DNAI3: variants seen among roughly 807,000 people sequenced by gnomAD.
The protein encoded by DNAI3 is dynein axonemal intermediate chain 3.
In DNAI3, 83 loss-of-function variants were observed where a neutral mutation model predicts 115.5. The ratio of observed to expected loss-of-function variants is 0.72; its 90% CI spans 0.60 to 0.86. The LOEUF (loss-of-function observed/expected upper bound fraction) is 0.86, where lower values mean the gene tolerates loss of function less well. DNAI3 is among the 40% of genes least tolerant of loss of function. The pLI is 0.00. For synonymous variants in DNAI3, 320 were observed against 347.0 expected, an observed-to-expected ratio of 0.92 and a Z score of 0.86; for missense variants, 1,004 against 1,075.8, an observed-to-expected ratio of 0.93 and a Z score of 0.93.
intron 11 of DNAI3, among the ~76,000 whole-genome samples, chr1:85,097,061 A>T (rs1258419622): frequency 3.3e-5 from 5 of 152,148 alleles, no homozygotes. Flanking sequence ...ATTTAGTGTT[A>T]TATATCTACC....
In DNAI3 at chr1:85,082,370, T is replaced by G. The variant is rs1654658129; in HGVS notation, c.356T>G (p.Ile119Ser). ...AAATATGGACTTAACTTTTATCTTA[T>G]TGCAACTGAAGAGGGCAAAGAAAAC... The part of the protein sequence containing the change: ...DFKYGLNFYL[I>S]ATEEGKENYL... Residue 119 changes from isoleucine (I) to serine (S), a missense_variant, in exon 5 of 23, where the codon ATT (isoleucine) becomes AGT (serine). Ile to Ser is a moderately radical substitution (Grantham distance 142). Coordinates refer to ENST00000294664, the MANE Select transcript of DNAI3 (RefSeq NM_145172.5). The G allele has an allele frequency of 6.2e-7, 1 of 1,613,922 alleles. No homozygotes were observed. Among genetic ancestry groups the G allele is most frequent in the East Asian group, 2.2e-5 (1 of 44,878 alleles).
At chr1:85,119,784 A>G (rs983826193) in intron 17 of DNAI3, among the ~76,000 whole-genome samples, 2 of 149,164 alleles carry the variant, frequency 1.3e-5, no homozygotes, top group African/African-American at 5.0e-5. Context: ...TGCAACCTCC[A>G]CCTCCCAGGT....
intron 14 of DNAI3, among the ~76,000 whole-genome samples, chr1:85,105,021 TGAA>T (rs1655442875): frequency 6.6e-6 from 1 of 152,236 alleles, no homozygotes; most frequent in African/African-American, 2.4e-5. Flanking sequence ...GTAGCTACTT[TGAA>T]GAAGATTTAC....
chr1:85,084,254 A>G (rs1381182788), intron 5 of DNAI3, among the ~76,000 whole-genome samples: 25 of 25,186 alleles, frequency 9.9e-4, no homozygotes, highest in African/African-American at 2.3e-3. Context: ...CAGTGTGTAT[A>G]TATATATATA....
intron 3 of DNAI3, among the ~76,000 whole-genome samples, chr1:85,078,580 T>C (rs764684003): frequency 2.2e-4 from 33 of 152,330 alleles, no homozygotes; most frequent in Admixed American, 5.9e-4. Context: ...AGTGGCCTCA[T>C]TGCTGTAGCC....
Position 85,071,999 on chromosome 1 carries a change from T to G in DNAI3, c.58T>G (p.Leu20Val). ...TGGCAAAAAAAGACTAAAACCAGTA[T>G]TAGCTGGTAGGAATATTTCTTCATT... ...SRGKKRLKPVLAASEDMEPVN... is the reference protein window; with the variant it reads ...SRGKKRLKPVVAASEDMEPVN... The change falls in exon 2 of 23, where the codon TTA becomes GTA. Residue 20 changes from leucine (L) to valine (V), a missense_variant. By Grantham distance (32) the Leu-to-Val change is conservative. Transcript: ENST00000294664. The G allele has an allele frequency of 1.9e-6, 3 of 1,611,026 alleles. No individual in the cohort carries two copies. In the South Asian group the frequency reaches 3.3e-5, roughly 18 times the overall value.
rs150918821 is a variant in DNAI3, at chr1:85,131,240, T to C, written c.2532+1128T>C. Among the ~76,000 whole-genome samples, 13 of 150,698 alleles carry C rather than the reference T, an allele frequency of 8.6e-5. No individual in the cohort carries two copies. The East Asian group carries it at 2.6e-3, about 30-fold the overall frequency. ...GGCAGGCAGATCACGAGGTCAGGAGTTCGAGACCAGCTTGACCCACATGGA... is the reference window on the plus strand; with the variant it reads ...GGCAGGCAGATCACGAGGTCAGGAGCTCGAGACCAGCTTGACCCACATGGA... On this transcript the variant is annotated intron_variant, in intron 22 of 22. Coordinates refer to ENST00000294664, the MANE Select transcript of DNAI3 (RefSeq NM_145172.5).
intron 1 of DNAI3, among the ~76,000 whole-genome samples, chr1:85,070,868 AT>A (rs1275904840): frequency 2.0e-5 from 1 of 50,800 alleles, no homozygotes; most frequent in African/African-American, 3.9e-5. Flanking sequence ...TATTTTTATC[AT>A]TTAAAAAAAA....
intron 8 of DNAI3, among the ~76,000 whole-genome samples, chr1:85,090,510 C>A (rs1326521814): frequency 6.6e-6 from 1 of 152,174 alleles, no homozygotes; most frequent in Non-Finnish European, 1.5e-5. Context: ...CTTGTATTTA[C>A]CATGGTTACT....
intron 17 of DNAI3, among the ~76,000 whole-genome samples, chr1:85,119,988 C>G (rs1655943860): frequency 6.6e-6 from 1 of 152,258 alleles, no homozygotes; most frequent in East Asian, 1.9e-4. Flanking sequence ...GCGTGAGCCA[C>G]TGTGCCCGGC....
chr1:85,122,843 C>A (rs983167340), intron 18 of DNAI3, among the ~76,000 whole-genome samples: 4 of 152,264 alleles, frequency 2.6e-5, no homozygotes, highest in Non-Finnish European at 5.9e-5. Context: ...ATGCCTGGGG[C>A]ATAGGGTTGT....
At chr1:85,094,389 A>G in intron 9 of DNAI3, 42 bp from the exon 10 acceptor site, 3 of 1,612,466 alleles carry the variant, frequency 1.9e-6, no homozygotes, top group African/African-American at 1.3e-5. Context: ...CTCTCCATGT[A>G]TAGTTGCTGC....
At chr1:85,066,983 A>C (rs1470535515) in intron 1 of DNAI3, among the ~76,000 whole-genome samples, 1 of 152,220 alleles carries the variant, frequency 6.6e-6, no homozygotes, top group African/African-American at 2.4e-5. Context: ...CCCAATTAAA[A>C]GTTATTTATT....
chr1:85,104,136 T>C (rs1320731723), intron 13 of DNAI3, among the ~76,000 whole-genome samples: 1 of 147,384 alleles, frequency 6.8e-6, no homozygotes, highest in East Asian at 1.9e-4. Context: ...TTTTTTTTTT[T>C]TTGGGCTGGA....
chr1:85,063,520 G>T (rs1464479128), intron 1 of DNAI3, among the ~76,000 whole-genome samples: 2 of 152,208 alleles, frequency 1.3e-5, no homozygotes, highest in African/African-American at 2.4e-5. Flanking sequence ...GCAAAATCTG[G>T]TGTATAGACC....
At chr1:85,099,216 T>C in intron 13 of DNAI3, 1 of 984,092 alleles carries the variant, frequency 1.0e-6, no homozygotes, top group Non-Finnish European at 1.2e-6. Flanking sequence ...ATTTGGAAAC[T>C]GGCAAGTTCC....
chr1:85,086,152 A>T, intron 7 of DNAI3, 122 bp downstream of exon 7: 1 of 870,738 alleles, frequency 1.1e-6, no homozygotes, highest in South Asian at 1.8e-5. Flanking sequence ...TGACACATAG[A>T]TCTCCACAGA....
chr1:85,094,418 G>A lies in DNAI3; in HGVS notation c.1049-13G>A, dbSNP rs774250034. ...TTGCTGCCAACTTTAATTTCTACATGTGTTTCCATCAGGGCTAATAGCTGT... is the reference window on the plus strand; with the variant it reads ...TTGCTGCCAACTTTAATTTCTACATATGTTTCCATCAGGGCTAATAGCTGT... On this transcript the variant is annotated splice_polypyrimidine_tract_variant and intron_variant, in intron 9 of 22. Coordinates refer to ENST00000294664, the MANE Select transcript of DNAI3 (RefSeq NM_145172.5). 9 of 1,613,790 alleles carry A rather than the reference G, an allele frequency of 5.6e-6. No individual in the cohort carries two copies. The highest frequency in any genetic ancestry group is 1.6e-4 in the Middle Eastern group (1 of 6,078).
chr1:85,102,089 T>C (rs1254768422), intron 13 of DNAI3, among the ~76,000 whole-genome samples: 1 of 152,076 alleles, frequency 6.6e-6, no homozygotes, highest in Non-Finnish European at 1.5e-5. Context: ...GGTTAATTAA[T>C]GGGTACAAAT....
Sources: gnomAD v4.1 joint callset for allele counts (sites outside exome capture counted in the v4.1 genomes callset) on GRCh38, gnomAD v4.1.1 for gene constraint, MANE v1.5 for transcripts, NCBI Gene and HGNC (gene_info 2026-07-23, HGNC 2026-07-21) for gene names.